MYPN: variants seen among roughly 807,000 people sequenced by gnomAD.
MYPN encodes myopalladin, also known as sarcomeric protein myopalladin, 145 kDa (MYOP).
A neutral mutation model predicts 129.4 loss-of-function variants in MYPN; 63 were observed. The observed-to-expected ratio is 0.49, with a 90% CI of 0.40 to 0.60. The LOEUF (loss-of-function observed/expected upper bound fraction) is 0.60. MYPN is among the 20% of genes least tolerant of loss of function. MYPN has a pLI of 0.00. For missense variants in MYPN, 1,596 were observed against 1,635.4 expected (o/e 0.98, Z 0.42); for synonymous variants, 629 against 600.9 (o/e 1.05, Z -0.68).
In MYPN at chr10:68,142,988, C is replaced by T. The variant is rs759998419; in HGVS notation, c.951C>T (p.Ile317=). 3.1e-6 allele frequency: 5 copies of T among 1,614,114 alleles called. No homozygotes were observed. The highest frequency in any genetic ancestry group is 2.2e-5 in the South Asian group (2 of 91,086). The change falls in exon 3 of 20, where the codon ATC becomes ATT. Residue 317 remains isoleucine (I), a synonymous_variant. Coordinates refer to ENST00000358913, the MANE Select transcript of MYPN (RefSeq NM_032578.4). Reference sequence around the variant, plus strand: ...TTGAAAATTCCCCAGATATTCACATCGTCCAGGCAGGAAATCTGCACTCAC... The same window carrying T: ...TTGAAAATTCCCCAGATATTCACATTGTCCAGGCAGGAAATCTGCACTCAC... ...KELENSPDIH[I]VQAGNLHSLT...
At chr10:68,128,229 T>C (rs922694627) in intron 2 of MYPN, among the ~76,000 whole-genome samples, 9 of 152,200 alleles carry the variant, frequency 5.9e-5, no homozygotes, top group African/African-American at 2.2e-4. Flanking sequence ...GATCCTTTCC[T>C]GTATCCCAGC....
At chr10:68,176,260 C>T (rs1374258535) in intron 12 of MYPN, among the ~76,000 whole-genome samples, 1 of 152,192 alleles carries the variant, frequency 6.6e-6, no homozygotes, top group African/African-American at 2.4e-5. Flanking sequence ...CTGTGAGCAT[C>T]ATTCAAACAA....
intron 2 of MYPN, among the ~76,000 whole-genome samples, chr10:68,132,204 G>C (rs538001697): frequency 4.6e-4 from 70 of 152,102 alleles, no homozygotes; most frequent in Non-Finnish European, 8.4e-4. Flanking sequence ...AATCATGAAA[G>C]GATGTTGAAT....
intron 2 of MYPN, among the ~76,000 whole-genome samples, chr10:68,138,164 G>T (rs183247982): frequency 3.4e-5 from 5 of 148,062 alleles, no homozygotes; most frequent in African/African-American, 1.2e-4. Context: ...GTGCAGTGCC[G>T]CGATTTTGGC....
At chr10:68,182,198 G>T (rs1347616151) in intron 12 of MYPN, among the ~76,000 whole-genome samples, 3 of 143,896 alleles carry the variant, frequency 2.1e-5, no homozygotes, top group African/African-American at 7.8e-5. Flanking sequence ...TCACTACCTG[G>T]TTACTAATGT....
At chr10:68,099,908 G>C (rs748070077) in intron 1 of MYPN, among the ~76,000 whole-genome samples, 4 of 152,052 alleles carry the variant, frequency 2.6e-5, no homozygotes, top group Non-Finnish European at 5.9e-5. Context: ...GAGTGTGCAG[G>C]CCTCTGAAAT....
chr10:68,194,271 T>C (rs1279317956), intron 13 of MYPN, 92 bp from the exon 14 acceptor site: 17 of 1,344,592 alleles, frequency 1.3e-5, no homozygotes, highest in Non-Finnish European at 1.7e-5. Flanking sequence ...ACTTAAAAGA[T>C]GGCAGTTGGC....
upstream of MYPN, among the ~76,000 whole-genome samples, chr10:68,108,729 T>C (rs572089384): frequency 8.5e-5 from 13 of 152,258 alleles, no homozygotes; most frequent in South Asian, 2.7e-3. Flanking sequence ...TTTAATTTTA[T>C]TATTTTTTTT....
At chr10:68,161,088 A>C (rs2042968004) in intron 7 of MYPN, among the ~76,000 whole-genome samples, 3 of 152,256 alleles carry the variant, frequency 2.0e-5, no homozygotes, top group Non-Finnish European at 2.9e-5. Context: ...AATGAGTGCC[A>C]GTAAAAGCAA....
chr10:68,088,150 C>G (rs2041915454), intron 1 of MYPN, among the ~76,000 whole-genome samples: 1 of 152,136 alleles, frequency 6.6e-6, no homozygotes, highest in African/African-American at 2.4e-5. Context: ...TCTATTCATC[C>G]TTAATCAGGG....
chr10:68,095,021 A>G (rs1431695445), intron 1 of MYPN, among the ~76,000 whole-genome samples: 1 of 152,114 alleles, frequency 6.6e-6, no homozygotes, highest in Non-Finnish European at 1.5e-5. Flanking sequence ...AGATTTCACC[A>G]TTGCACTCCA....
At chr10:68,105,705 G>C (rs909815740), upstream of MYPN, among the ~76,000 whole-genome samples, 3 of 152,188 alleles carry the variant, frequency 2.0e-5, no homozygotes, top group African/African-American at 7.2e-5. Context: ...CAAACAGGAA[G>C]TGTTGTAATA....
Position 68,194,441 on chromosome 10 carries a change from T to G in MYPN, c.3004T>G (p.Cys1002Gly), listed in dbSNP as rs1434619262. The stretch of plus-strand genomic sequence containing the variant: ...AATGAGGCGAGAAGGAGATGGGACA[T>G]GCTCTCTGCACATTGAATCCACTAC... ...CKMRREGDGT[C>G]SLHIESTTSD... Residue 1002 changes from cysteine (C) to glycine (G), a missense_variant, in exon 14 of 20, where the codon TGC (cysteine) becomes GGC (glycine). Cys to Gly is a radical substitution (Grantham distance 159, BLOSUM62 -3). Coordinates refer to ENST00000358913, the MANE Select transcript of MYPN (RefSeq NM_032578.4). The G allele has an allele frequency of 1.9e-6, 3 of 1,613,868 alleles. No individual in the cohort carries two copies. The highest frequency in any genetic ancestry group is 3.3e-5 in the Admixed American group (2 of 59,980).
upstream of MYPN, among the ~76,000 whole-genome samples, chr10:68,108,285 A>T (rs1564639957): frequency 6.6e-6 from 1 of 152,104 alleles, no homozygotes; most frequent in Non-Finnish European, 1.5e-5. Context: ...GTGTAATTAA[A>T]CCTCCAATGT....
intron 13 of MYPN, among the ~76,000 whole-genome samples, chr10:68,190,431 C>T (rs1182214658): frequency 8.5e-6 from 1 of 117,416 alleles, no homozygotes. Context: ...AGGTGATCCA[C>T]CCTGGAGGCC....
At chr10:68,173,564 C>T (rs2043174850) in intron 10 of MYPN, among the ~76,000 whole-genome samples, 1 of 150,874 alleles carries the variant, frequency 6.6e-6, no homozygotes, top group Non-Finnish European at 1.5e-5. Flanking sequence ...TCTTTATCAA[C>T]ATCAAGTTAT....
rs117959789 is a variant in MYPN, at chr10:68,121,076, C to G, written c.-1-362C>G. On this transcript the variant is annotated intron_variant, in intron 1 of 19. Transcript: ENST00000358913. ...AGCGGATCACCTGAGCCCAGGAGCT[C>G]GAGACCAGCCTGGGCAACAGGCAAA... 6.3e-4 allele frequency among the ~76,000 whole-genome samples: 96 copies of G among 152,224 alleles called. No individual in the cohort carries two copies. The East Asian group carries it at 0.017, about 27-fold the overall frequency.
chr10:68,111,637 A>G (rs2042083122), intron 1 of MYPN, among the ~76,000 whole-genome samples: 1 of 152,258 alleles, frequency 6.6e-6, no homozygotes, highest in African/African-American at 2.4e-5. Context: ...TTAGAAATTT[A>G]AGAACAATTT....
chr10:68,149,983 A>G (rs2042739907), intron 5 of MYPN, 57 bp from the exon 6 acceptor site: 3 of 1,468,132 alleles, frequency 2.0e-6, no homozygotes, highest in African/African-American at 1.4e-5. Flanking sequence ...GTTATGTCTC[A>G]CTATCCATCT....
Sources: gnomAD v4.1 joint callset for allele counts (sites outside exome capture counted in the v4.1 genomes callset) on GRCh38, gnomAD v4.1.1 for gene constraint, MANE v1.5 for transcripts, NCBI Gene and HGNC (gene_info 2026-07-23, HGNC 2026-07-21) for gene names.